The following ZFHX4 variants were observed in gnomAD, a reference collection of about 807,000 sequenced individuals.
The protein encoded by ZFHX4 is zinc finger homeobox protein 4.
In ZFHX4, 56 loss-of-function variants were observed where a neutral mutation model predicts 267.6. The observed-to-expected ratio is 0.21, with a 90% CI of 0.17 to 0.26. The LOEUF (loss-of-function observed/expected upper bound fraction) is 0.26. Among genes scored for constraint, ZFHX4 ranks in the 10% least tolerant of loss-of-function variants. ZFHX4 has a pLI of 1.00. For synonymous variants in ZFHX4, 1,778 were observed against 1,665.6 expected (o/e 1.07, Z -1.64); for missense variants, 4,332 against 4,420.0 (o/e 0.98, Z 0.56).
At position 76,863,876 on chromosome 8, in the gene ZFHX4, G is replaced by T. The variant is rs562547549; in HGVS notation, c.10162G>T (p.Ala3388Ser). ...AGAACCCCAGTTAGAATCCAAAAGT[G>T]CAGACTTTTCAGACACTTACGTTGT... ...KEEPQLESKSADFSDTYVVPF... is the reference protein window; with the variant it reads ...KEEPQLESKSSDFSDTYVVPF... Residue 3388 changes from alanine to serine, a missense_variant, in exon 11 of 11, where the codon GCA (alanine) becomes TCA (serine). Transcript: ENST00000651372. 2.6e-4 allele frequency: 410 copies of T among 1,563,030 alleles called. 3 individuals carry two copies. In the South Asian group the frequency reaches 3.3e-3, roughly 13 times the overall value.
intron 3 of ZFHX4, among the ~76,000 whole-genome samples, chr8:76,763,137 C>T (rs908482727): frequency 7.9e-5 from 12 of 152,114 alleles, no homozygotes; most frequent in African/African-American, 2.4e-4. Flanking sequence ...TCTATGCCAC[C>T]GTCCCATAAC....
At chr8:76,724,631 A>G (rs1417160293) in intron 3 of ZFHX4, among the ~76,000 whole-genome samples, 1 of 152,162 alleles carries the variant, frequency 6.6e-6, no homozygotes, top group Non-Finnish European at 1.5e-5. Flanking sequence ...TTCTGAGTCC[A>G]GAAGTTGGTT....
intron 3 of ZFHX4, among the ~76,000 whole-genome samples, chr8:76,758,007 T>C (rs1483908835): frequency 2.6e-5 from 4 of 152,156 alleles, no homozygotes; most frequent in African/African-American, 9.7e-5. Flanking sequence ...GGCACATAGT[T>C]TGTCTATAGA....
In ZFHX4 at chr8:76,708,024, C is replaced by T. The variant is rs750690709; in HGVS notation, c.3069C>T (p.His1023=). 2.2e-5 allele frequency: 36 copies of T among 1,613,596 alleles called. No individual in the cohort carries two copies. The highest frequency in any genetic ancestry group is 3.3e-5 in the Admixed American group (2 of 60,008). ...GCTTGCATACCACCAATCACAGGCA[C>T]GAGGCGGCCCTGAAGCTCTACAAGG... ...KLRLHTTNHR[H]EAALKLYKHL... The change falls in exon 3 of 11, where the codon CAC becomes CAT. Residue 1023 remains histidine (H), a synonymous_variant. Coordinates refer to ENST00000651372, the MANE Select transcript of ZFHX4 (RefSeq NM_024721.5).
intron 4 of ZFHX4, among the ~76,000 whole-genome samples, chr8:76,783,784 T>G (rs1317789465): frequency 6.6e-6 from 1 of 152,056 alleles, no homozygotes; most frequent in Non-Finnish European, 1.5e-5. Flanking sequence ...TAATGACTTT[T>G]CTTCTCTAAC....
At chr8:76,744,295 G>A (rs547907053) in intron 3 of ZFHX4, among the ~76,000 whole-genome samples, 4 of 152,176 alleles carry the variant, frequency 2.6e-5, no homozygotes, top group South Asian at 2.1e-4. Flanking sequence ...GCGGGGAGTC[G>A]AGATCATGCC....
At chr8:76,792,550 A>T (rs1038690462) in intron 4 of ZFHX4, among the ~76,000 whole-genome samples, 4 of 152,192 alleles carry the variant, frequency 2.6e-5, no homozygotes, top group Non-Finnish European at 5.9e-5. Flanking sequence ...ATCATTCTGG[A>T]AGACCACTGG....
rs1409689363 is a variant in ZFHX4 at position 76,856,284 on chromosome 8, T to C, written c.9363T>C (p.Phe3121=). ...ACGGTCCATCCTCCTTGCCGGGATTTCCACAAAATTCAAACAGTAAGTCAT... is the reference window on the plus strand; with the variant it reads ...ACGGTCCATCCTCCTTGCCGGGATTCCCACAAAATTCAAACAGTAAGTCAT... The part of the protein sequence containing the change: ...GMNGPSSLPG[F]PQNSNTLTPP... Residue 3121 remains phenylalanine, a synonymous_variant, in exon 10 of 11, where the codon TTT becomes TTC. Coordinates refer to ENST00000651372, the MANE Select transcript of ZFHX4 (RefSeq NM_024721.5). The C allele has an allele frequency of 6.2e-7, 1 of 1,613,784 alleles. No homozygotes were observed. Among genetic ancestry groups the C allele is most frequent in the Non-Finnish European group, 8.5e-7 (1 of 1,179,872 alleles).
intron 10 of ZFHX4, among the ~76,000 whole-genome samples, chr8:76,862,611 G>A (rs1231333519): frequency 6.6e-6 from 1 of 152,180 alleles, no homozygotes; most frequent in African/African-American, 2.4e-5. Flanking sequence ...TAGGCAGATG[G>A]ATTTCATTGT....
intron 3 of ZFHX4, among the ~76,000 whole-genome samples, chr8:76,747,671 C>G (rs1257593982): frequency 6.6e-6 from 1 of 152,132 alleles, no homozygotes; most frequent in African/African-American, 2.4e-5. Context: ...GTGGCTCACG[C>G]CTGTAATCCC....
At chr8:76,702,277 T>C (rs1015973559) in intron 1 of ZFHX4, among the ~76,000 whole-genome samples, 6 of 152,146 alleles carry the variant, frequency 3.9e-5, no homozygotes, top group Non-Finnish European at 7.4e-5. Flanking sequence ...TTTGAATTCA[T>C]TTTCAGGGTC....
chr8:76,781,144 G>T (rs1810535927), intron 4 of ZFHX4, among the ~76,000 whole-genome samples: 2 of 152,072 alleles, frequency 1.3e-5, no homozygotes, highest in East Asian at 1.9e-4. Flanking sequence ...TGTGATTTTT[G>T]CTTTTTAAGG....
intron 4 of ZFHX4, among the ~76,000 whole-genome samples, chr8:76,805,185 C>T (rs1211594364): frequency 6.6e-6 from 1 of 152,032 alleles, no homozygotes; most frequent in African/African-American, 2.4e-5. Flanking sequence ...CTCATGTGAC[C>T]TTCTATGTGC....
chr8:76,759,429 T>C (rs773616250), intron 3 of ZFHX4, among the ~76,000 whole-genome samples: 1 of 152,230 alleles, frequency 6.6e-6, no homozygotes, highest in Non-Finnish European at 1.5e-5. Context: ...TTGGCATCAA[T>C]AGCATAGTGA....
chr8:76,740,531 G>C lies in ZFHX4; in HGVS notation c.3093+32483G>C, dbSNP rs199982565. Among the ~76,000 whole-genome samples, 7 of 152,158 alleles carry C rather than the reference G, an allele frequency of 4.6e-5. No homozygotes were observed. The East Asian group carries it at 1.4e-3, about 29-fold the overall frequency. ...GTGTGGGATGGATTGGTTTGAGAAAGAGTCAAGGAGAAAACACCTTTAATG... is the reference window on the plus strand; with the variant it reads ...GTGTGGGATGGATTGGTTTGAGAAACAGTCAAGGAGAAAACACCTTTAATG... On this transcript the variant is annotated intron_variant, in intron 3 of 10. Transcript: ENST00000651372.
chr8:76,827,000 G>A (rs1321936679), intron 4 of ZFHX4, among the ~76,000 whole-genome samples: 1 of 152,212 alleles, frequency 6.6e-6, no homozygotes, highest in African/African-American at 2.4e-5. Flanking sequence ...CTATGCTGAT[G>A]AGCAACCTAG....
In ZFHX4 at chr8:76,855,172, A is replaced by G. The variant is rs1563564746; in HGVS notation, c.8251A>G (p.Thr2751Ala). The part of the protein sequence containing the change: ...DLSSENELAS[T>A]VSTPVSKTAE... ...ATCAAGTGAGAATGAATTGGCTTCT[A>G]CAGTGTCAACACCTGTTAGTAAAAC... The change falls in exon 10 of 11, where the codon ACA (threonine) becomes GCA (alanine). Residue 2751 changes from threonine to alanine, a missense_variant. Physicochemically the swap from Thr to Ala is moderately conservative, Grantham distance 58 (BLOSUM62 0). Transcript: ENST00000651372. 2 of 1,613,690 alleles carry G rather than the reference A, an allele frequency of 1.2e-6. No homozygotes were observed. The highest frequency in any genetic ancestry group is 1.7e-5 in the Admixed American group (1 of 59,980).
rs143516456 is a variant in ZFHX4, at chr8:76,757,084, T to C, written c.3094-21124T>C. Among the ~76,000 whole-genome samples, 371 of 152,222 alleles carry C rather than the reference T, an allele frequency of 2.4e-3. 1 individual carries two copies. Among genetic ancestry groups the C allele is most frequent in the African/African-American group, 8.2e-3 (342 of 41,554 alleles). On this transcript the variant is annotated intron_variant, in intron 3 of 10. Coordinates refer to ENST00000651372, the MANE Select transcript of ZFHX4 (RefSeq NM_024721.5). ...TTTGAATAGTTGTCAAGCAGGGGTT[T>C]CCAGGCAGTAATTTCTCTCTCCTGA...
chr8:76,748,738 C>T (rs184767885), intron 3 of ZFHX4, among the ~76,000 whole-genome samples: 235 of 152,250 alleles, frequency 1.5e-3, no homozygotes, highest in African/African-American at 5.3e-3. Flanking sequence ...TGTTACCTCA[C>T]ACTTACACCA....
Sources: gnomAD v4.1 joint callset for allele counts (sites outside exome capture counted in the v4.1 genomes callset) on GRCh38, gnomAD v4.1.1 for gene constraint, MANE v1.5 for transcripts, NCBI Gene and HGNC (gene_info 2026-07-23, HGNC 2026-07-21) for gene names.